WDPCP: variants seen among roughly 807,000 people sequenced by gnomAD.
WDPCP encodes the protein WD repeat-containing and planar cell polarity effector protein fritz homolog.
WDPCP carries 71 observed loss-of-function variants against 93.1 expected under a neutral mutation model. The ratio of observed to expected loss-of-function variants is 0.76; its 90% CI spans 0.63 to 0.93. WDPCP has a LOEUF of 0.93. Among genes scored for constraint, WDPCP ranks in the 40% least tolerant of loss-of-function variants. The pLI is 0.00. For missense variants in WDPCP, 844 were observed against 887.4 expected, an observed-to-expected ratio of 0.95 and a Z score of 0.62; for synonymous variants, 315 against 315.0, an observed-to-expected ratio of 1.00 and a Z score of 0.00.
At chr2:63,825,335 C>T (rs1233719455) in intron 1 of WDPCP, among the ~76,000 whole-genome samples, 10 of 152,042 alleles carry the variant, frequency 6.6e-5, no homozygotes, top group East Asian at 1.9e-4. Context: ...GTATTCATTA[C>T]GGTGATATCT....
intron 3 of WDPCP, chr2:63,605,186 T>C (rs746437652): frequency 2.0e-4 from 160 of 807,554 alleles, no homozygotes; most frequent in Non-Finnish European, 3.1e-4. Context: ...TAAGCTCTGG[T>C]CATAGCTTTT....
chr2:63,377,278 G>A (rs1691922658), intron 12 of WDPCP, among the ~76,000 whole-genome samples: 1 of 151,524 alleles, frequency 6.6e-6, no homozygotes, highest in Non-Finnish European at 1.5e-5. Context: ...ATACATCAAA[G>A]CCCTTGAAAG....
At chr2:63,229,019 C>T (rs1236219431) in intron 14 of WDPCP, 4 of 152,178 alleles carry the variant, frequency 2.6e-5, no homozygotes, top group Non-Finnish European at 4.4e-5. Flanking sequence ...CTGACTTCCA[C>T]AATGGTTGAA....
At chr2:63,298,603 T>G (rs1177065250) in intron 13 of WDPCP, among the ~76,000 whole-genome samples, 1 of 152,156 alleles carries the variant, frequency 6.6e-6, no homozygotes, top group Non-Finnish European at 1.5e-5. Flanking sequence ...ACTCTTGGAC[T>G]TACATCAGTG....
chr2:63,598,929 A>C (rs1484249148), intron 3 of WDPCP, among the ~76,000 whole-genome samples: 1 of 151,466 alleles, frequency 6.6e-6, no homozygotes, highest in African/African-American at 2.4e-5. Context: ...TATGGGAGTC[A>C]GTCTCTGTAA....
chr2:63,650,413 G>A (rs562376686), intron 3 of WDPCP, among the ~76,000 whole-genome samples: 59 of 152,272 alleles, frequency 3.9e-4, no homozygotes, highest in African/African-American at 1.3e-3. Flanking sequence ...AAAACATTTT[G>A]AAGGGAGGTG....
At chr2:63,241,137 A>G (rs1275262619) in intron 14 of WDPCP, among the ~76,000 whole-genome samples, 3 of 152,208 alleles carry the variant, frequency 2.0e-5, no homozygotes, top group Non-Finnish European at 2.9e-5. Context: ...ATACTTAATA[A>G]GATTACTGAA....
At chr2:63,488,701 T>C (rs1354694067) in intron 2 of WDPCP, among the ~76,000 whole-genome samples, 1 of 151,984 alleles carries the variant, frequency 6.6e-6, no homozygotes, top group African/African-American at 2.4e-5. Flanking sequence ...TTTTAAAAAA[T>C]CTAAGAACCA....
chr2:63,611,293 T>C (rs1349962142), intron 3 of WDPCP, among the ~76,000 whole-genome samples: 2 of 152,218 alleles, frequency 1.3e-5, no homozygotes, highest in African/African-American at 4.8e-5. Flanking sequence ...TTCATACATG[T>C]ACAAGTGTAT....
At chr2:63,407,053 T>C (rs552763847) in intron 9 of WDPCP, among the ~76,000 whole-genome samples, 1 of 152,134 alleles carries the variant, frequency 6.6e-6, no homozygotes, top group Admixed American at 6.5e-5. Context: ...GAGGCAATAA[T>C]AATAAAAGCA....
upstream of WDPCP, chr2:63,589,899 C>T (rs1709135782): frequency 6.3e-6 from 1 of 159,226 alleles, no homozygotes; most frequent in South Asian, 1.8e-4. Context: ...AATACAATGG[C>T]TTGTATTTAT....
At chr2:63,676,410 T>A (rs748035625) in intron 2 of WDPCP, among the ~76,000 whole-genome samples, 1 of 152,182 alleles carries the variant, frequency 6.6e-6, no homozygotes, top group Non-Finnish European at 1.5e-5. Flanking sequence ...TTAAAGGCTA[T>A]GATCTAAGAG....
At chr2:63,198,407 TA>T (rs1675623827) in intron 14 of WDPCP, among the ~76,000 whole-genome samples, 1 of 152,346 alleles carries the variant, frequency 6.6e-6, no homozygotes, top group Admixed American at 6.5e-5. Context: ...GCTTTCCAAA[TA>T]AATTTTACAA....
chr2:63,610,019 T>G (rs1363441076), intron 3 of WDPCP, among the ~76,000 whole-genome samples: 1 of 152,234 alleles, frequency 6.6e-6, no homozygotes, highest in Non-Finnish European at 1.5e-5. Context: ...ACTGTGAAAC[T>G]GATTATCTCT....
At chr2:63,731,860 A>G (rs889387192) in intron 2 of WDPCP, among the ~76,000 whole-genome samples, 1 of 152,218 alleles carries the variant, frequency 6.6e-6, no homozygotes, top group African/African-American at 2.4e-5. Flanking sequence ...AGGATAAGAT[A>G]CCAAAGGAAG....
At chr2:63,189,039 G>C (rs1674844906) in intron 14 of WDPCP, among the ~76,000 whole-genome samples, 1 of 152,148 alleles carries the variant, frequency 6.6e-6, no homozygotes, top group African/African-American at 2.4e-5. Flanking sequence ...TACTTTTAGT[G>C]TATCTGGGTG....
chr2:63,730,568 A>G (rs1669547555), intron 2 of WDPCP, among the ~76,000 whole-genome samples: 1 of 152,090 alleles, frequency 6.6e-6, no homozygotes, highest in African/African-American at 2.4e-5. Flanking sequence ...CGTTCAAGTG[A>G]TTCTCCTGCC....
intron 2 of WDPCP, among the ~76,000 whole-genome samples, chr2:63,655,765 C>CT (rs1710160465): frequency 6.6e-6 from 1 of 152,060 alleles, no homozygotes; most frequent in Admixed American, 6.6e-5. Context: ...TGTTCTAAAC[C>CT]TTTTTTAAAG....
intron 17 of WDPCP, among the ~76,000 whole-genome samples, chr2:63,128,306 C>T (rs1670055996): frequency 6.6e-6 from 1 of 152,108 alleles, no homozygotes; most frequent in Admixed American, 6.5e-5. Flanking sequence ...CTCACTCAAA[C>T]ATGTAGCCCC....
Sources: allele counts gnomAD v4.1 joint callset (sites outside exome capture counted in the v4.1 genomes callset), GRCh38; gene constraint gnomAD v4.1.1; transcripts MANE v1.5; gene names NCBI Gene and HGNC (gene_info 2026-07-23, HGNC 2026-07-21).